Variants in STARD13 observed in about 807,000 individuals in gnomAD.
STARD13 encodes the protein StAR related lipid transfer domain containing 13, also known as stAR-related lipid transfer protein 13.
STARD13 carries 62 observed loss-of-function variants against 106.4 expected under a neutral mutation model. The ratio of observed to expected loss-of-function variants is 0.58; its 90% CI spans 0.48 to 0.72. The LOEUF is 0.72. Ranked by LOEUF, STARD13 falls within the 30% of genes least tolerant of loss-of-function variation. The pLI is 0.00. For synonymous variants in STARD13, 565 were observed against 553.0 expected, an observed-to-expected ratio of 1.02 and a Z score of -0.31; for missense variants, 1,387 against 1,424.0, an observed-to-expected ratio of 0.97 and a Z score of 0.42.
the STARD13 span, among the ~76,000 whole-genome samples, chr13:33,668,772 A>G: frequency 1.3e-5 from 2 of 152,230 alleles, no homozygotes; most frequent in African/African-American, 2.4e-5. Flanking sequence ...GCTAGTCCTC[A>G]TAATTGCATC....
the STARD13 span, among the ~76,000 whole-genome samples, chr13:33,632,948 A>G: frequency 6.6e-6 from 1 of 152,216 alleles, no homozygotes; most frequent in Admixed American, 6.5e-5. Context: ...CATAGCATTA[A>G]TGCTAGAAAA....
the STARD13 span, among the ~76,000 whole-genome samples, chr13:33,375,997 A>AC: frequency 6.6e-6 from 1 of 152,168 alleles, no homozygotes; most frequent in African/African-American, 2.4e-5. Context: ...TGTACTTAAT[A>AC]TTAAGTAATA....
chr13:33,305,185 G>A (rs1416714560), intron 1 of STARD13, among the ~76,000 whole-genome samples: 1 of 152,182 alleles, frequency 6.6e-6, no homozygotes, highest in East Asian at 1.9e-4. Flanking sequence ...AGCCACAGCA[G>A]TCCCAAGCTT....
chr13:33,501,302 TC>T, the STARD13 span, among the ~76,000 whole-genome samples: 2 of 152,122 alleles, frequency 1.3e-5, no homozygotes, highest in Non-Finnish European at 2.9e-5. Flanking sequence ...GGTCTTGAAC[TC>T]CTGGCCTCAA....
At chr13:33,438,772 C>A in the STARD13 span, among the ~76,000 whole-genome samples, 5 of 152,130 alleles carry the variant, frequency 3.3e-5, no homozygotes, top group African/African-American at 1.2e-4. Context: ...AAGCTGAGAT[C>A]TTGGGTGTCT....
the STARD13 span, among the ~76,000 whole-genome samples, chr13:33,410,085 C>T: frequency 6.6e-6 from 1 of 152,342 alleles, no homozygotes; most frequent in South Asian, 2.1e-4. Context: ...ACTTGGAAAA[C>T]ACTGGGGTGA....
At chr13:33,296,626 A>C (rs1177193018) in intron 1 of STARD13, among the ~76,000 whole-genome samples, 1 of 151,972 alleles carries the variant, frequency 6.6e-6, no homozygotes, top group African/African-American at 2.4e-5. Flanking sequence ...TGTGAGTTCA[A>C]CTTTTTTTTG....
At chr13:33,376,239 T>A in the STARD13 span, among the ~76,000 whole-genome samples, 1 of 152,144 alleles carries the variant, frequency 6.6e-6, no homozygotes. Flanking sequence ...AGTCATTCAT[T>A]CATTCATTCA....
chr13:33,588,277 T>C, the STARD13 span, among the ~76,000 whole-genome samples: 1 of 152,220 alleles, frequency 6.6e-6, no homozygotes, highest in Admixed American at 6.5e-5. Flanking sequence ...GAATAAAATT[T>C]GAACCCTTTT....
the STARD13 span, among the ~76,000 whole-genome samples, chr13:33,517,876 A>G: frequency 6.6e-6 from 1 of 152,098 alleles, no homozygotes; most frequent in Non-Finnish European, 1.5e-5. Context: ...CTGCCTCACA[A>G]TAACCAGACT....
chr13:33,422,449 CA>C, the STARD13 span, among the ~76,000 whole-genome samples: 8 of 152,136 alleles, frequency 5.3e-5, no homozygotes, highest in Non-Finnish European at 1.2e-4. Context: ...AAAGAGGACA[CA>C]AGCAAATGGA....
chr13:33,360,650 CAGA>C, the STARD13 span, among the ~76,000 whole-genome samples: 1,292 of 135,884 alleles, frequency 9.5e-3, 20 homozygotes, highest in African/African-American at 0.036. Flanking sequence ...TCTGTGTAGA[CAGA>C]AGGATTCCTT....
At chr13:33,204,937 T>A (rs1887308474) in intron 1 of STARD13, among the ~76,000 whole-genome samples, 1 of 152,244 alleles carries the variant, frequency 6.6e-6, no homozygotes, top group African/African-American at 2.4e-5. Context: ...AATAAGTCCC[T>A]TTCCGCCTGT....
Position 33,110,922 on chromosome 13 carries a change from G to C in STARD13, c.2608-15C>G. 1 of 1,600,756 alleles carries C rather than the reference G, an allele frequency of 6.2e-7. No individual in the cohort carries two copies. The stretch of plus-strand genomic sequence containing the variant: ...TCGTGTGGAACCTAGACCAACGGAT[G>C]CATGAAAGGGCAACACACTGAGCCA... On this transcript the variant is annotated splice_polypyrimidine_tract_variant and intron_variant, in intron 10 of 13. Transcript: ENST00000336934.
At chr13:33,577,385 A>T in the STARD13 span, among the ~76,000 whole-genome samples, 2 of 152,194 alleles carry the variant, frequency 1.3e-5, no homozygotes, top group African/African-American at 4.8e-5. Context: ...TGCACTTAAA[A>T]GATCAAGTCT....
chr13:33,414,032 C>CAAAA, the STARD13 span, among the ~76,000 whole-genome samples: 3 of 48,160 alleles, frequency 6.2e-5, no homozygotes, highest in African/African-American at 1.8e-4. Context: ...GATTCCCTCT[C>CAAAA]AAAAAAAAAA....
the STARD13 span, among the ~76,000 whole-genome samples, chr13:33,386,683 T>G: frequency 6.6e-6 from 1 of 151,996 alleles, no homozygotes; most frequent in Non-Finnish European, 1.5e-5. Context: ...GGCAGAGCCT[T>G]TTTGCCTTTA....
chr13:33,644,844 T>A, the STARD13 span, among the ~76,000 whole-genome samples: 1 of 152,188 alleles, frequency 6.6e-6, no homozygotes, highest in Non-Finnish European at 1.5e-5. Flanking sequence ...TTTCTAGGAA[T>A]AATGACACTC....
intron 1 of STARD13, among the ~76,000 whole-genome samples, chr13:33,237,664 C>T (rs1340730106): frequency 1.3e-5 from 2 of 152,236 alleles, no homozygotes; most frequent in East Asian, 3.9e-4. Context: ...CCATCTCCCC[C>T]CTCACCACCA....
Sources: gnomAD v4.1 joint callset for allele counts (sites outside exome capture counted in the v4.1 genomes callset) on GRCh38, gnomAD v4.1.1 for gene constraint, MANE v1.5 for transcripts, NCBI Gene and HGNC (gene_info 2026-07-23, HGNC 2026-07-21) for gene names.